The following ITGA2 variants were observed in gnomAD, a reference collection of about 807,000 sequenced individuals.
ITGA2 encodes the protein integrin subunit alpha 2.
ITGA2 carries 101 observed loss-of-function variants against 146.3 expected under a neutral mutation model. That is an observed-to-expected ratio of 0.69 (90% CI 0.59 to 0.81). ITGA2 has a LOEUF of 0.81. ITGA2 is among the 40% of genes least tolerant of loss of function. ITGA2 has a pLI of 0.00. For synonymous variants in ITGA2, 477 were observed against 487.1 expected (o/e 0.98, Z 0.27); for missense variants, 1,281 against 1,402.7 (o/e 0.91, Z 1.39).
chr5:53,074,587 T>C (rs1745572605), intron 21 of ITGA2, 110 bp downstream of exon 21: 1 of 828,716 alleles, frequency 1.2e-6, no homozygotes, highest in South Asian at 1.4e-5. Flanking sequence ...ACAAAATAAC[T>C]AGCTGCATAC....
intron 23 of ITGA2, among the ~76,000 whole-genome samples, chr5:53,078,009 G>T (rs546399153): frequency 1.3e-5 from 2 of 152,186 alleles, no homozygotes; most frequent in Non-Finnish European, 2.9e-5. Flanking sequence ...CAGAGCCCCA[G>T]AAATGAGTGA....
intron 2 of ITGA2, among the ~76,000 whole-genome samples, chr5:53,040,243 GAAGA>G (rs1298853731): frequency 3.9e-5 from 6 of 152,288 alleles, no homozygotes; most frequent in South Asian, 4.1e-4. Context: ...CAGGGTTAGA[GAAGA>G]AAGAGTCAGA....
Position 53,070,188 on chromosome 5 carries a change from TGAAAG to T in ITGA2, c.2165_2169del (p.Glu722ValfsTer26). ...CCAGGGGGTTATTTAAAGAAAACAA[TGAAAG>T]GTGCCTGCAGAAGAATATGGTAGTA... On this transcript the variant is annotated frameshift_variant, in exon 17 of 30. Coordinates refer to ENST00000296585, the MANE Select transcript of ITGA2 (RefSeq NM_002203.4). LOFTEE classifies it high-confidence loss of function. 1 of 1,611,966 alleles carries T rather than the reference TGAAAG, an allele frequency of 6.2e-7. No homozygotes were observed. The highest frequency in any genetic ancestry group is 1.1e-5 in the South Asian group (1 of 91,040).
intron 1 of ITGA2, among the ~76,000 whole-genome samples, chr5:53,023,595 G>A (rs537111829): frequency 2.0e-5 from 3 of 152,164 alleles, no homozygotes; most frequent in Admixed American, 6.5e-5. Flanking sequence ...CTTAAAAAAC[G>A]CCTGGTACAA....
In ITGA2 at chr5:53,057,660, T is replaced by C. The variant is rs144362247; in HGVS notation, c.1097-365T>C. Among the ~76,000 whole-genome samples, 67 of 152,112 alleles carry C rather than the reference T, an allele frequency of 4.4e-4. 1 individual carries two copies. Among genetic ancestry groups the C allele is most frequent in the African/African-American group, 1.5e-3 (63 of 41,554 alleles). ...AAAATTCAGTTAGTTTCTTAGCTAG[T>C]AATGATCAAGTTTTTAAAAAATTAT... On this transcript the variant is annotated intron_variant, in intron 9 of 29. Transcript: ENST00000296585.
intron 11 of ITGA2, 51 bp from the exon 12 acceptor site, chr5:53,060,850 A>G (rs771173758): frequency 1.9e-6 from 3 of 1,574,942 alleles, no homozygotes; most frequent in African/African-American, 2.7e-5. Context: ...TTTTAACTTT[A>G]TTTTGCTCAG....
chr5:53,060,798 A>C, intron 11 of ITGA2, 103 bp from the exon 12 acceptor site: 1 of 1,105,364 alleles, frequency 9.0e-7, no homozygotes, highest in Non-Finnish European at 1.4e-6. Flanking sequence ...ACTTTGCATC[A>C]CATCTAACAC....
chr5:53,021,567 C>T (rs530111325), intron 1 of ITGA2, among the ~76,000 whole-genome samples: 30 of 152,268 alleles, frequency 2.0e-4, no homozygotes, highest in Non-Finnish European at 3.2e-4. Flanking sequence ...TATTGCACCA[C>T]GGCCCCTGCC....
rs974922856 is a variant in ITGA2, at chr5:53,062,870, A to G, written c.1543A>G (p.Met515Val). 6 of 1,611,394 alleles carry G rather than the reference A, an allele frequency of 3.7e-6. No individual in the cohort carries two copies. Among genetic ancestry groups the G allele is most frequent in the African/African-American group, 2.7e-5 (2 of 74,714 alleles). The change falls in exon 13 of 30, where the codon ATG (methionine) becomes GTG (valine). Residue 515 changes from methionine to valine, a missense_variant. By Grantham distance (21) the Met-to-Val change is conservative. This residue lies in a region of ITGA2 where 795 missense variants were observed against 841.7 expected (regional missense o/e 0.94). Transcript: ENST00000296585. ...AGACGTGCTCTTGGTAGGTGCACCA[A>G]TGTACATGAGTGACCTAAAGAAAGA... is the stretch of plus-strand genomic sequence containing the variant. ...ITDVLLVGAP[M>V]YMSDLKKEEG... is the part of the protein sequence containing the mutation.
intron 28 of ITGA2, among the ~76,000 whole-genome samples, chr5:53,087,624 T>TAAAA (rs772266428): frequency 2.5e-5 from 3 of 118,142 alleles, no homozygotes; most frequent in Admixed American, 1.6e-4. Context: ...GTCCCCTTGA[T>TAAAA]AAAAAAAAAA....
chr5:53,077,131 A>T (rs938482217), intron 23 of ITGA2, among the ~76,000 whole-genome samples: 7 of 152,040 alleles, frequency 4.6e-5, no homozygotes, highest in Non-Finnish European at 8.8e-5. Flanking sequence ...AATCTTAGAA[A>T]AGTTTTCATA....
chr5:53,032,843 A>G (rs1312853294), intron 2 of ITGA2, among the ~76,000 whole-genome samples: 3 of 152,170 alleles, frequency 2.0e-5, no homozygotes, highest in Non-Finnish European at 4.4e-5. Flanking sequence ...CCGGAGCACA[A>G]GGGTTTTACC....
At chr5:53,087,146 A>G in intron 28 of ITGA2, 105 bp downstream of exon 28, 2 of 800,968 alleles carry the variant, frequency 2.5e-6, no homozygotes, top group Non-Finnish European at 4.3e-6. Flanking sequence ...ATGTAGAAGT[A>G]TCTTACTAAA....
intron 17 of ITGA2, 109 bp downstream of exon 17, chr5:53,070,369 G>A: frequency 3.1e-6 from 3 of 970,352 alleles, no homozygotes; most frequent in Non-Finnish European, 1.6e-6. Flanking sequence ...CCCTTCCAAT[G>A]AATGCCTTTC....
chr5:53,009,571 C>A (rs1471449358), intron 1 of ITGA2, among the ~76,000 whole-genome samples: 2 of 151,934 alleles, frequency 1.3e-5, no homozygotes, highest in Non-Finnish European at 2.9e-5. Context: ...TTTTTACCTG[C>A]TAGATATAGT....
chr5:53,075,201 C>T lies in ITGA2; in HGVS notation c.2742-20C>T. On this transcript the variant is annotated intron_variant, in intron 22 of 29. Coordinates refer to ENST00000296585, the MANE Select transcript of ITGA2 (RefSeq NM_002203.4). Reference sequence around the variant, plus strand: ...CTTTGTATTTCTCTTTAAGTAATTTCCTAATGTTTCTTTCTATAGTGAAAG... The same window carrying T: ...CTTTGTATTTCTCTTTAAGTAATTTTCTAATGTTTCTTTCTATAGTGAAAG... 1.2e-6 allele frequency: 2 copies of T among 1,610,428 alleles called. No individual in the cohort carries two copies. The highest frequency in any genetic ancestry group is 1.7e-6 in the Non-Finnish European group (2 of 1,177,348).
intron 14 of ITGA2, 45 bp downstream of exon 14, chr5:53,065,160 A>G: frequency 6.4e-7 from 1 of 1,563,468 alleles, no homozygotes; most frequent in Non-Finnish European, 8.8e-7. Context: ...TGTGGGTCTT[A>G]TCATATTAGA....
At chr5:53,055,060 G>C (rs1335602993) in intron 7 of ITGA2, among the ~76,000 whole-genome samples, 1 of 152,044 alleles carries the variant, frequency 6.6e-6, no homozygotes, top group Non-Finnish European at 1.5e-5. Flanking sequence ...TGATAATGGT[G>C]CTTACCTGTG....
intron 1 of ITGA2, among the ~76,000 whole-genome samples, chr5:53,022,119 T>G (rs1742714530): frequency 6.6e-6 from 1 of 152,234 alleles, no homozygotes; most frequent in African/African-American, 2.4e-5. Flanking sequence ...GCCAAATTTT[T>G]GTGGTTGAAT....
Sources: gnomAD v4.1 joint callset for allele counts (sites outside exome capture counted in the v4.1 genomes callset) on GRCh38, gnomAD v4.1.1 for gene constraint, gnomAD v4.1.1 regional missense constraint, MANE v1.5 for transcripts, NCBI Gene and HGNC (gene_info 2026-07-23, HGNC 2026-07-21) for gene names.